Variants in DOCK8 observed in about 807,000 individuals in gnomAD.
The protein encoded by DOCK8 is dedicator of cytokinesis protein 8.
In DOCK8, 141 loss-of-function variants were observed where a neutral mutation model predicts 245.6. That is an observed-to-expected ratio of 0.57 (90% CI 0.50 to 0.66). The LOEUF is 0.66. DOCK8 is among the 30% of genes least tolerant of loss of function. DOCK8 has a pLI of 0.00. For missense variants in DOCK8, 2,965 were observed against 2,603.4 expected, an observed-to-expected ratio of 1.14 and a Z score of -3.02; for synonymous variants, 1,168 against 970.2, an observed-to-expected ratio of 1.20 and a Z score of -3.79.
intron 14 of DOCK8, among the ~76,000 whole-genome samples, chr9:363,059 T>C (rs1248093658): frequency 6.6e-6 from 1 of 152,314 alleles, no homozygotes; most frequent in East Asian, 1.9e-4. Context: ...CGTTGCTAAA[T>C]CAGTGGAAAG....
rs535173621 is a variant in DOCK8 at position 309,529 on chromosome 9, T to C, written c.529-2425T>C. On this transcript the variant is annotated intron_variant, in intron 5 of 47. Transcript: ENST00000432829. The stretch of plus-strand genomic sequence containing the variant: ...TTGATTACAGTTATACATTTTTTGC[T>C]GAGTCTTTGGTTCAAAGCATGCAGT... Among the ~76,000 whole-genome samples the C allele has an allele frequency of 3.3e-5, 5 of 152,350 alleles. No individual in the cohort carries two copies. In the South Asian group the frequency reaches 1.0e-3, roughly 32 times the overall value.
intron 2 of DOCK8, among the ~76,000 whole-genome samples, chr9:281,915 A>G (rs747449143): frequency 1.3e-5 from 2 of 152,148 alleles, no homozygotes; most frequent in Non-Finnish European, 2.9e-5. Context: ...GAACTATTCA[A>G]TGTCAGCTTG....
chr9:449,962 C>A (rs2131867531), intron 45 of DOCK8, 35 bp downstream of exon 45: 1 of 1,609,886 alleles, frequency 6.2e-7, no homozygotes, highest in South Asian at 1.1e-5. Flanking sequence ...TCCTCTGGTT[C>A]TTATTATTTA....
chr9:299,598 G>T (rs1381108235), intron 4 of DOCK8, among the ~76,000 whole-genome samples: 4 of 151,372 alleles, frequency 2.6e-5, no homozygotes, highest in African/African-American at 9.7e-5. Context: ...TGGATGTTTA[G>T]TCTTATTTCC....
intron 4 of DOCK8, among the ~76,000 whole-genome samples, chr9:295,792 G>A (rs1001449602): frequency 3.3e-5 from 5 of 152,106 alleles, no homozygotes; most frequent in Admixed American, 6.6e-5. Context: ...CCACTTAGGG[G>A]GCAGAGGAGT....
At chr9:354,125 A>G (rs1233037396) in intron 14 of DOCK8, among the ~76,000 whole-genome samples, 1 of 152,218 alleles carries the variant, frequency 6.6e-6, no homozygotes, top group Non-Finnish European at 1.5e-5. Flanking sequence ...TGAGGCCAGG[A>G]GTTCAAGACT....
chr9:400,903 T>TC (rs2054997508), intron 26 of DOCK8, among the ~76,000 whole-genome samples: 4 of 14,038 alleles, frequency 2.8e-4, no homozygotes, highest in Admixed American at 2.5e-3. Context: ...CCTCCCCCAC[T>TC]ACCAACAGCT....
chr9:233,952 G>A (rs2047184704), intron 1 of DOCK8, among the ~76,000 whole-genome samples: 1 of 152,090 alleles, frequency 6.6e-6, no homozygotes, highest in African/African-American at 2.4e-5. Flanking sequence ...ATGTTAGCTG[G>A]TTATTTTGCT....
intron 24 of DOCK8, among the ~76,000 whole-genome samples, chr9:395,480 T>G (rs1028423569): frequency 6.6e-6 from 1 of 152,160 alleles, no homozygotes; most frequent in Non-Finnish European, 1.5e-5. Flanking sequence ...TCCCCTCTTC[T>G]TCCAGTCTCA....
intron 1 of DOCK8, among the ~76,000 whole-genome samples, chr9:246,528 G>A (rs2047509671): frequency 6.6e-6 from 1 of 151,978 alleles, no homozygotes; most frequent in South Asian, 2.1e-4. Flanking sequence ...AAAAAAGGAG[G>A]CATCCAAAAA....
At chr9:443,596 C>T in intron 43 of DOCK8, 80 bp downstream of exon 43, 1 of 1,128,388 alleles carries the variant, frequency 8.9e-7, no homozygotes, top group South Asian at 1.3e-5. Flanking sequence ...ATGATCTCAT[C>T]TATCTGGACT....
At chr9:235,164 C>G (rs555405153) in intron 1 of DOCK8, among the ~76,000 whole-genome samples, 1 of 152,182 alleles carries the variant, frequency 6.6e-6, no homozygotes, top group Admixed American at 6.5e-5. Flanking sequence ...GAGGTCCACT[C>G]CAGACGCTGT....
intron 1 of DOCK8, among the ~76,000 whole-genome samples, chr9:255,762 A>G (rs1288062670): frequency 6.6e-6 from 1 of 151,602 alleles, no homozygotes; most frequent in Non-Finnish European, 1.5e-5. Context: ...ATTTCTTCAT[A>G]TGAAGAATAA....
intron 33 of DOCK8, among the ~76,000 whole-genome samples, chr9:424,327 T>G (rs6476810): frequency 0.17 from 26,172 of 151,986 alleles, 2,706 homozygotes; most frequent in East Asian, 0.48. Flanking sequence ...GAAATCAGTA[T>G]TTGGTAAAAC....
At chr9:214,507 C>T, upstream of DOCK8, 1 of 1,612,748 alleles carries the variant, frequency 6.2e-7, no homozygotes, top group South Asian at 1.1e-5. Context: ...TAACACCTAG[C>T]CTTACGAATC....
intron 28 of DOCK8, among the ~76,000 whole-genome samples, chr9:409,031 C>G (rs1275438894): frequency 6.6e-6 from 1 of 152,194 alleles, no homozygotes; most frequent in Non-Finnish European, 1.5e-5. Context: ...GATACACTGT[C>G]ACAACTTCAT....
rs1214794372 is a variant in DOCK8 at position 420,974 on chromosome 9, G to A, written c.4049G>A (p.Ser1350Asn). 1 of 1,614,102 alleles carries A rather than the reference G, an allele frequency of 6.2e-7. No homozygotes were observed. The highest frequency in any genetic ancestry group is 8.5e-7 in the Non-Finnish European group (1 of 1,180,052). The change falls in exon 32 of 48, where the codon AGT becomes AAT. Residue 1350 changes from serine to asparagine, a missense_variant. Transcript: ENST00000432829. ...YKGKQSSDKV[S>N]TQVLQKSRDV... ...GGAAAACAGAGTTCTGACAAAGTCA[G>A]TACCCAAGTCCTGCAGAAGTCAAGG...
chr9:424,685 C>CGTGGCTGAA (rs1211866615), intron 33 of DOCK8, among the ~76,000 whole-genome samples: 27 of 152,346 alleles, frequency 1.8e-4, no homozygotes, highest in Admixed American at 3.9e-4. Flanking sequence ...GGTGGGATTA[C>CGTGGCTGAA]AGGCATGAGC....
At chr9:400,848 CCAT>C (rs1352250467) in intron 26 of DOCK8, among the ~76,000 whole-genome samples, 3 of 104,574 alleles carry the variant, frequency 2.9e-5, no homozygotes, top group East Asian at 3.2e-4. Context: ...ACCACCTCCA[CCAT>C]CACCACCTCC....
Sources: allele counts gnomAD v4.1 joint callset (sites outside exome capture counted in the v4.1 genomes callset), GRCh38; gene constraint gnomAD v4.1.1; transcripts MANE v1.5; gene names NCBI Gene and HGNC (gene_info 2026-07-23, HGNC 2026-07-21).